The following WDR27 variants were observed in gnomAD, a reference collection of about 807,000 sequenced individuals.
WDR27 encodes WD repeat-containing protein 27.
A neutral mutation model predicts 114.4 loss-of-function variants in WDR27; 100 were observed. That is an observed-to-expected ratio of 0.87 (90% confidence interval 0.74 to 1.03). The LOEUF (loss-of-function observed/expected upper bound fraction) is 1.03, where lower values mean the gene tolerates loss of function less well. Ranked by LOEUF, WDR27 falls within the 50% of genes least tolerant of loss-of-function variation. The pLI is 0.00. For synonymous variants in WDR27, 449 were observed against 423.1 expected, an observed-to-expected ratio of 1.06 and a Z score of -0.75; for missense variants, 1,129 against 1,092.9, an observed-to-expected ratio of 1.03 and a Z score of -0.47.
intron 21 of WDR27, among the ~76,000 whole-genome samples, chr6:169,622,758 G>C (rs1033111553): frequency 2.0e-5 from 3 of 152,212 alleles, no homozygotes; most frequent in Non-Finnish European, 4.4e-5. Context: ...GCGTCCCGGT[G>C]AAACAGCCAT....
At chr6:169,626,734 A>G (rs1425608923) in intron 21 of WDR27, among the ~76,000 whole-genome samples, 1 of 152,216 alleles carries the variant, frequency 6.6e-6, no homozygotes, top group Non-Finnish European at 1.5e-5. Flanking sequence ...ACAACAGAGC[A>G]CTTCCTTGCC....
chr6:169,700,501 C>T (rs771072144), intron 1 of WDR27, among the ~76,000 whole-genome samples: 5 of 152,212 alleles, frequency 3.3e-5, no homozygotes, highest in Non-Finnish European at 7.3e-5. Context: ...TCGTTGAGTG[C>T]CTGGCCCATA....
intron 6 of WDR27, chr6:169,666,577 C>G: frequency 1.0e-6 from 1 of 985,508 alleles, no homozygotes; most frequent in Non-Finnish European, 1.2e-6. Context: ...CGTCACAGAC[C>G]GCTCCTTATG....
chr6:169,597,142 C>CTAA lies in WDR27; in HGVS notation c.2424+5076_2424+5077insTTA, dbSNP rs528835033. 5.3e-5 allele frequency among the ~76,000 whole-genome samples: 8 copies of CTAA among 152,154 alleles called. No individual in the cohort carries two copies. In the East Asian group the frequency reaches 1.4e-3, roughly 26 times the overall value. On this transcript the variant is annotated intron_variant, in intron 23 of 25. Coordinates refer to ENST00000448612, the MANE Select transcript of WDR27 (RefSeq NM_182552.5). ...ATCCTGCTACTTTCAACACTTCTGT[C>CTAA]TCTACACTCTTAATTTCCAATGATA...
intron 25 of WDR27, among the ~76,000 whole-genome samples, chr6:169,472,637 A>G (rs1786584920): frequency 6.6e-6 from 1 of 152,240 alleles, no homozygotes; most frequent in African/African-American, 2.4e-5. Flanking sequence ...TAGATAAGAA[A>G]GAAAAAATGT....
intron 25 of WDR27, among the ~76,000 whole-genome samples, chr6:169,546,622 T>G (rs1272538336): frequency 1.3e-5 from 2 of 152,096 alleles, no homozygotes; most frequent in Non-Finnish European, 2.9e-5. Context: ...AGATGAGAAA[T>G]AGGGCACAAA....
intron 25 of WDR27, among the ~76,000 whole-genome samples, chr6:169,513,375 C>T (rs751700697): frequency 6.6e-5 from 10 of 152,092 alleles, no homozygotes; most frequent in South Asian, 2.1e-4. Flanking sequence ...GGTCCCGGGA[C>T]GCCCAGGCTT....
chr6:169,440,973 C>T, the WDR27 span, among the ~76,000 whole-genome samples: 2 of 149,582 alleles, frequency 1.3e-5, no homozygotes, highest in Non-Finnish European at 3.0e-5. Context: ...TATATTGTTG[C>T]TGGGTTTTTT....
At chr6:169,613,440 T>C (rs1811077870) in intron 22 of WDR27, 119 bp downstream of exon 22, 5 of 771,618 alleles carry the variant, frequency 6.5e-6, no homozygotes, top group Non-Finnish European at 1.0e-5. Context: ...AAATCAGTCT[T>C]AGATTAGTCA....
In WDR27 at chr6:169,684,307, C is replaced by G. The variant is rs1782347107; in HGVS notation, c.189+4510G>C. ...CCCCTGGGCCAGCAGAGTTGCTAAA[C>G]ACCTGTGCTCAGGACCTGGGAAACA... is the stretch of plus-strand genomic sequence containing the variant. On this transcript the variant is annotated intron_variant, in intron 2 of 25. Coordinates refer to ENST00000448612, the MANE Select transcript of WDR27 (RefSeq NM_182552.5). This position sits in a 1 kb window ranked among gnomAD's most constrained non-coding sequence, Gnocchi z 4.3. Among the ~76,000 whole-genome samples, 1 of 152,146 alleles carries G rather than the reference C, an allele frequency of 6.6e-6. No individual in the cohort carries two copies. The highest frequency in any genetic ancestry group is 2.4e-5 in the African/African-American group (1 of 41,438).
intron 1 of WDR27, among the ~76,000 whole-genome samples, chr6:169,692,697 G>A (rs1784822705): frequency 6.6e-6 from 1 of 152,122 alleles, no homozygotes. Context: ...TGATGCGTCA[G>A]ACACAGCCAC....
intron 23 of WDR27, among the ~76,000 whole-genome samples, chr6:169,591,222 G>A (rs1192871057): frequency 1.3e-5 from 2 of 152,108 alleles, no homozygotes; most frequent in East Asian, 1.9e-4. Flanking sequence ...TTGGTGATGT[G>A]AGCCCTTTTT....
chr6:169,604,647 G>T (rs1431953619), intron 22 of WDR27, among the ~76,000 whole-genome samples: 1 of 151,882 alleles, frequency 6.6e-6, no homozygotes, highest in Non-Finnish European at 1.5e-5. Context: ...ACAAAACAAA[G>T]AAAGAAAACT....
intron 25 of WDR27, among the ~76,000 whole-genome samples, chr6:169,565,578 T>C (rs947955336): frequency 8.5e-5 from 13 of 152,178 alleles, no homozygotes; most frequent in African/African-American, 3.1e-4. Context: ...GCTGGAAGGG[T>C]TCGAGCATGC....
rs111656694 is a variant in WDR27, at chr6:169,636,370, C to A, written c.2003+1G>T. ...TAATGCACAGGGCGGGGGGTGCCTACCTCTTAATCTCATCTTTGCAAGTGT... is the reference window on the plus strand; with the variant it reads ...TAATGCACAGGGCGGGGGGTGCCTAACTCTTAATCTCATCTTTGCAAGTGT... On this transcript the variant is annotated splice_donor_variant, in intron 19 of 25. Transcript: ENST00000448612. LOFTEE classifies it high-confidence loss of function. 14,963 of 1,613,480 alleles carry A rather than the reference C, an allele frequency of 9.3e-3. 343 individuals carry two copies. Among genetic ancestry groups the A allele is most frequent in the African/African-American group, 0.088 (6,578 of 74,968 alleles).
At chr6:169,466,446 G>T (rs1237218970) in intron 25 of WDR27, among the ~76,000 whole-genome samples, 5 of 152,150 alleles carry the variant, frequency 3.3e-5, no homozygotes, top group South Asian at 2.1e-4. Flanking sequence ...GAGAAGTACT[G>T]AGCAAAGGGG....
intron 21 of WDR27, among the ~76,000 whole-genome samples, chr6:169,615,039 T>G (rs1301833821): frequency 6.6e-6 from 1 of 151,012 alleles, no homozygotes; most frequent in Non-Finnish European, 1.5e-5. Context: ...CAATAGAGGG[T>G]GAGGAAGAAG....
chr6:169,428,058 A>G, the WDR27 span, among the ~76,000 whole-genome samples: 2 of 152,170 alleles, frequency 1.3e-5, no homozygotes, highest in African/African-American at 2.4e-5. Context: ...TCCACTTTCA[A>G]TCTCCGCAGT....
intron 25 of WDR27, among the ~76,000 whole-genome samples, chr6:169,534,053 G>C (rs1354639019): frequency 6.6e-6 from 1 of 152,214 alleles, no homozygotes; most frequent in Non-Finnish European, 1.5e-5. Flanking sequence ...ATTAGGTTAA[G>C]GAAGCCCCCT....
Sources: allele counts gnomAD v4.1 joint callset (sites outside exome capture counted in the v4.1 genomes callset), GRCh38; gene constraint gnomAD v4.1.1; non-coding constraint Gnocchi (gnomAD v3.1); transcripts MANE v1.5; gene names NCBI Gene and HGNC (gene_info 2026-07-23, HGNC 2026-07-21).